MED27: variants seen among roughly 807,000 people sequenced by gnomAD.
MED27 encodes the protein mediator complex subunit 27.
In MED27, 30 loss-of-function variants were observed where a neutral mutation model predicts 38.2. The ratio of observed to expected loss-of-function variants is 0.79; its 90% confidence interval spans 0.59 to 1.07. The LOEUF is 1.07. Among genes scored for constraint, MED27 ranks in the 50% least tolerant of loss-of-function variants. The pLI is 0.00. For missense variants in MED27, 289 were observed against 397.5 expected (o/e 0.73, Z 2.32); for synonymous variants, 122 against 153.5 (o/e 0.79, Z 1.52).
chr9:132,035,807 T>A (rs11790743), intron 2 of MED27, among the ~76,000 whole-genome samples: 9 of 151,936 alleles, frequency 5.9e-5, no homozygotes, highest in African/African-American at 1.9e-4. Flanking sequence ...TACCAAAAAA[T>A]TTTTAAAATT....
At chr9:132,040,167 T>C (rs1833175691) in intron 2 of MED27, among the ~76,000 whole-genome samples, 1 of 152,232 alleles carries the variant, frequency 6.6e-6, no homozygotes, top group Admixed American at 6.5e-5. Flanking sequence ...CTTGTCGTGC[T>C]CAGCATCAGT....
At chr9:131,900,712 C>T (rs1406784060) in intron 4 of MED27, among the ~76,000 whole-genome samples, 1 of 151,940 alleles carries the variant, frequency 6.6e-6, no homozygotes, top group Admixed American at 6.6e-5. Flanking sequence ...AGGGGTTTGT[C>T]AGTTAGACAA....
intron 4 of MED27, among the ~76,000 whole-genome samples, chr9:131,937,394 G>T (rs1485038101): frequency 6.6e-6 from 1 of 152,132 alleles, no homozygotes; most frequent in Non-Finnish European, 1.5e-5. Context: ...GAATTAGCGG[G>T]GGTGGATGGG....
In MED27 at chr9:131,982,653, G is replaced by C. The variant is rs1016900119; in HGVS notation, c.479+31684C>G. Among the ~76,000 whole-genome samples, 1 of 152,146 alleles carries C rather than the reference G, an allele frequency of 6.6e-6. No homozygotes were observed. The highest frequency in any genetic ancestry group is 1.5e-5 in the Non-Finnish European group (1 of 68,026). ...GGTCCACAGCTACTGATGGGGAGGT[G>C]GATTTGAACCCAGTCGGTGGGACAC... On this transcript the variant is annotated intron_variant, in intron 3 of 7. Coordinates refer to ENST00000292035, the MANE Select transcript of MED27 (RefSeq NM_004269.4). This position sits in a 1 kb window ranked among gnomAD's most constrained non-coding sequence, Gnocchi z 4.3.
At chr9:131,868,980 A>G (rs927622077) in intron 6 of MED27, 2 of 985,346 alleles carry the variant, frequency 2.0e-6, no homozygotes, top group African/African-American at 3.5e-5. Flanking sequence ...CAGGCAAGGC[A>G]CCTAATTAGT....
intron 2 of MED27, among the ~76,000 whole-genome samples, chr9:132,021,058 A>G (rs1832706700): frequency 6.6e-6 from 1 of 152,220 alleles, no homozygotes; most frequent in Non-Finnish European, 1.5e-5. Flanking sequence ...CCACTGTGGC[A>G]TTATTTATAT....
At chr9:131,952,705 A>G (rs981082468) in intron 3 of MED27, among the ~76,000 whole-genome samples, 5 of 152,094 alleles carry the variant, frequency 3.3e-5, no homozygotes, top group Admixed American at 1.3e-4. Context: ...TACAACCCTC[A>G]TCATAGCTCT....
At chr9:132,022,513 T>C (rs1564328535) in intron 2 of MED27, among the ~76,000 whole-genome samples, 1 of 152,222 alleles carries the variant, frequency 6.6e-6, no homozygotes, top group Admixed American at 6.5e-5. Flanking sequence ...GTATTATAAA[T>C]ATTACTTTGA....
intron 3 of MED27, among the ~76,000 whole-genome samples, chr9:131,955,282 A>G (rs1419848912): frequency 6.6e-6 from 1 of 152,154 alleles, no homozygotes; most frequent in Non-Finnish European, 1.5e-5. Context: ...CCATGCTCAG[A>G]GGGAAATTTA....
intron 3 of MED27, among the ~76,000 whole-genome samples, chr9:131,943,762 G>C (rs1277693923): frequency 1.3e-5 from 2 of 152,172 alleles, no homozygotes; most frequent in Admixed American, 1.3e-4. Context: ...AAAGACTGCT[G>C]TTCCTATTTA....
chr9:131,975,339 G>C (rs1313383883), intron 3 of MED27, among the ~76,000 whole-genome samples: 1 of 152,198 alleles, frequency 6.6e-6, no homozygotes, highest in African/African-American at 2.4e-5. Flanking sequence ...TTGGCTAGTA[G>C]GTCATCCAGA....
intron 4 of MED27, among the ~76,000 whole-genome samples, chr9:131,905,675 G>A (rs1049267207): frequency 3.0e-5 from 4 of 134,948 alleles, no homozygotes; most frequent in African/African-American, 1.2e-4. Context: ...TCTAGCTTGG[G>A]TGACAGAGCA....
At chr9:131,971,615 A>C (rs756686270) in intron 3 of MED27, among the ~76,000 whole-genome samples, 1 of 152,160 alleles carries the variant, frequency 6.6e-6, no homozygotes, top group Non-Finnish European at 1.5e-5. Context: ...GTGCCAAAAG[A>C]GGGTGGCCCG....
intron 2 of MED27, among the ~76,000 whole-genome samples, chr9:132,065,703 G>A (rs1833795827): frequency 6.6e-6 from 1 of 152,220 alleles, no homozygotes; most frequent in Non-Finnish European, 1.5e-5. Flanking sequence ...TCCATGCCCG[G>A]GCTGGGCCCC....
At chr9:131,882,237 C>G (rs1295110588) in intron 6 of MED27, among the ~76,000 whole-genome samples, 1 of 152,146 alleles carries the variant, frequency 6.6e-6, no homozygotes, top group Non-Finnish European at 1.5e-5. Flanking sequence ...AAAAGGGGCC[C>G]AGGGGGCACT....
intron 2 of MED27, among the ~76,000 whole-genome samples, chr9:132,045,832 G>A (rs1833324994): frequency 6.6e-6 from 1 of 152,200 alleles, no homozygotes; most frequent in Admixed American, 6.5e-5. Flanking sequence ...TGAACAAAAT[G>A]TTATCTGTAG....
chr9:131,973,048 C>T (rs1004741803), intron 3 of MED27, among the ~76,000 whole-genome samples: 3 of 152,216 alleles, frequency 2.0e-5, no homozygotes, highest in Non-Finnish European at 2.9e-5. Context: ...CACTCAAATG[C>T]TCAGAGCAGG....
chr9:131,923,144 G>A (rs1308521535), intron 4 of MED27, among the ~76,000 whole-genome samples: 2 of 152,166 alleles, frequency 1.3e-5, no homozygotes, highest in Non-Finnish European at 2.9e-5. Context: ...ATTGGGAAAC[G>A]TGCACTCCTG....
intron 2 of MED27, among the ~76,000 whole-genome samples, chr9:132,064,373 TA>T (rs1833765804): frequency 6.6e-6 from 1 of 152,124 alleles, no homozygotes; most frequent in Admixed American, 6.5e-5. Flanking sequence ...ATAAAAGGAA[TA>T]ACAAATATGT....
Sources: allele counts gnomAD v4.1 joint callset (sites outside exome capture counted in the v4.1 genomes callset), GRCh38; gene constraint gnomAD v4.1.1; non-coding constraint Gnocchi (gnomAD v3.1); transcripts MANE v1.5; gene names NCBI Gene and HGNC (gene_info 2026-07-23, HGNC 2026-07-21).